FOLH1: variants seen among roughly 807,000 people sequenced by gnomAD.
The protein encoded by FOLH1 is folate hydrolase 1, also known as glutamate carboxypeptidase 2.
FOLH1 carries 54 observed loss-of-function variants against 93.9 expected under a neutral mutation model. That is an observed-to-expected ratio of 0.57 (90% confidence interval 0.46 to 0.72). The LOEUF is 0.72. FOLH1 is among the 30% of genes least tolerant of loss of function. FOLH1 has a pLI of 0.00. For synonymous variants in FOLH1, 249 were observed against 303.6 expected (o/e 0.82, Z 1.87); for missense variants, 571 against 892.5 (o/e 0.64, Z 4.59).
intron 7 of FOLH1, 60 bp downstream of exon 7, chr11:49,183,089 T>C (rs1445233020): frequency 6.9e-7 from 1 of 1,454,536 alleles, no homozygotes; most frequent in East Asian, 2.3e-5. Flanking sequence ...AGCCTAACAT[T>C]TGAAAACTGT....
intron 13 of FOLH1, among the ~76,000 whole-genome samples, chr11:49,160,664 G>A (rs373894950): frequency 1.6e-4 from 24 of 151,562 alleles, no homozygotes; most frequent in African/African-American, 5.3e-4. Context: ...GGATGGTCTC[G>A]ATCTCCTGAC....
intron 13 of FOLH1, among the ~76,000 whole-genome samples, chr11:49,163,862 G>A (rs58786959): frequency 0.11 from 16,434 of 151,968 alleles, 1,320 homozygotes; most frequent in African/African-American, 0.23. Context: ...TGACCTAAGC[G>A]TTGCAAAGAT....
At chr11:49,175,060 C>T in intron 8 of FOLH1, 83 bp from the exon 9 acceptor site, 1 of 1,297,120 alleles carries the variant, frequency 7.7e-7, no homozygotes, top group Non-Finnish European at 1.1e-6. Context: ...ATTTTCCCCT[C>T]TGCCTTTGAA....
At chr11:49,173,031 A>C (rs564132391) in intron 10 of FOLH1, among the ~76,000 whole-genome samples, 2 of 152,324 alleles carry the variant, frequency 1.3e-5, no homozygotes, top group South Asian at 4.1e-4. Flanking sequence ...CTGACTAGGA[A>C]GCTTTGGCTT....
At chr11:49,153,671 T>C (rs559177801) in intron 17 of FOLH1, among the ~76,000 whole-genome samples, 175 bp downstream of exon 17, 1 of 152,216 alleles carries the variant, frequency 6.6e-6, no homozygotes, top group East Asian at 1.9e-4. Flanking sequence ...TATACCTATG[T>C]AACAAACCTG....
At chr11:49,153,317 C>A (rs1176202626) in intron 17 of FOLH1, among the ~76,000 whole-genome samples, 2 of 150,772 alleles carry the variant, frequency 1.3e-5, no homozygotes, top group Admixed American at 1.3e-4. Context: ...CAGAATTTTG[C>A]CAGATGGAAG....
At chr11:49,152,868 G>C (rs1400424848) in intron 17 of FOLH1, among the ~76,000 whole-genome samples, 1 of 151,956 alleles carries the variant, frequency 6.6e-6, no homozygotes, top group Non-Finnish European at 1.5e-5. Context: ...TACACCTGTT[G>C]TTTATGTTAG....
At position 49,164,036 on chromosome 11, in the gene FOLH1, A is replaced by G. The variant is rs533807934; in HGVS notation, c.1440+669T>C. On this transcript the variant is annotated intron_variant, in intron 13 of 18. Coordinates refer to ENST00000256999, the MANE Select transcript of FOLH1 (RefSeq NM_004476.3). ...TGTTTCCTTGATTAGTCCCAATGTG[A>G]GTATCTGCTCGTTTCAGTTGAAGGT... Among the ~76,000 whole-genome samples the G allele has an allele frequency of 2.7e-4, 41 of 152,064 alleles. No individual in the cohort carries two copies. In the East Asian group the frequency reaches 7.4e-3, roughly 27 times the overall value.
chr11:49,166,571 T>C (rs1858438782), intron 12 of FOLH1, among the ~76,000 whole-genome samples: 2 of 152,248 alleles, frequency 1.3e-5, no homozygotes, highest in African/African-American at 2.4e-5. Flanking sequence ...CACCCAAAAC[T>C]GAGGACAGTA....
chr11:49,155,873 C>T lies in FOLH1; in HGVS notation c.1623+844G>A, dbSNP rs547280045. ...AAGAAAGGGAATCATGACTTTTACA[C>T]GTACACAGTGTATTATACTGATATG... On this transcript the variant is annotated intron_variant, in intron 15 of 18. Coordinates refer to ENST00000256999, the MANE Select transcript of FOLH1 (RefSeq NM_004476.3). Among the ~76,000 whole-genome samples the T allele has an allele frequency of 8.7e-5, 12 of 137,342 alleles. No individual in the cohort carries two copies. The South Asian group carries it at 2.4e-3, about 28-fold the overall frequency. 90.1% of individuals were successfully genotyped at this position (137,342 alleles called of 152,430 possible).
At chr11:49,154,547 T>C (rs1856804948) in intron 15 of FOLH1, 55 bp from the exon 16 acceptor site, 7 of 1,559,100 alleles carry the variant, frequency 4.5e-6, no homozygotes, top group Non-Finnish European at 6.1e-6. Context: ...AAAAAATGAT[T>C]AGCACCATAT....
At chr11:49,164,892 C>G in intron 12 of FOLH1, 120 bp from the exon 13 acceptor site, 1 of 783,686 alleles carries the variant, frequency 1.3e-6, no homozygotes, top group South Asian at 1.7e-5. Flanking sequence ...TCAACTGTAA[C>G]TCTCCAATGG....
intron 12 of FOLH1, among the ~76,000 whole-genome samples, chr11:49,168,767 C>G (rs1858797291): frequency 6.6e-6 from 1 of 152,086 alleles, no homozygotes; most frequent in Admixed American, 6.6e-5. Flanking sequence ...CACCGCACCC[C>G]ACAAATGATA....
At chr11:49,181,330 C>A (rs996464200) in intron 7 of FOLH1, among the ~76,000 whole-genome samples, 1 of 151,612 alleles carries the variant, frequency 6.6e-6, no homozygotes, top group Non-Finnish European at 1.5e-5. Context: ...GAGGATGGTC[C>A]CCATCTCTTG....
At chr11:49,179,487 A>T (rs2135144788) in intron 7 of FOLH1, among the ~76,000 whole-genome samples, 1 of 152,346 alleles carries the variant, frequency 6.6e-6, no homozygotes, top group East Asian at 1.9e-4. Context: ...GAAATTAAAC[A>T]ACTAACTCCT....
At chr11:49,194,246 T>C (rs984284137) in intron 3 of FOLH1, among the ~76,000 whole-genome samples, 34 of 151,278 alleles carry the variant, frequency 2.2e-4, no homozygotes, top group African/African-American at 8.3e-4. Flanking sequence ...GAAAAAAGGG[T>C]TCCAGATAAT....
intron 3 of FOLH1, among the ~76,000 whole-genome samples, chr11:49,199,610 T>C (rs1863050867): frequency 1.3e-5 from 2 of 152,122 alleles, no homozygotes; most frequent in African/African-American, 4.8e-5. Context: ...AAATTAAACC[T>C]ATCAAAAATG....
chr11:49,181,432 A>G (rs1860723603), intron 7 of FOLH1, among the ~76,000 whole-genome samples: 1 of 151,868 alleles, frequency 6.6e-6, no homozygotes, highest in Non-Finnish European at 1.5e-5. Context: ...TTTTTATAAA[A>G]CTGAGATAAT....
intron 14 of FOLH1, 82 bp downstream of exon 14, chr11:49,157,870 C>G: frequency 1.5e-6 from 2 of 1,324,268 alleles, no homozygotes; most frequent in Non-Finnish European, 2.0e-6. Context: ...TAATTTTTCA[C>G]TTAATGATTG....
Sources: gnomAD v4.1 joint callset for allele counts (sites outside exome capture counted in the v4.1 genomes callset) on GRCh38, gnomAD v4.1.1 for gene constraint, MANE v1.5 for transcripts, NCBI Gene and HGNC (gene_info 2026-07-23, HGNC 2026-07-21) for gene names.